Variants in RALYL observed in about 807,000 individuals in gnomAD.
The protein encoded by RALYL is RALY RNA binding protein like.
In RALYL, 29 loss-of-function variants were observed where a neutral mutation model predicts 35.1. That is an observed-to-expected ratio of 0.83 (90% CI 0.61 to 1.13). The LOEUF (loss-of-function observed/expected upper bound fraction) is 1.13, where lower values mean the gene tolerates loss of function less well. Among genes scored for constraint, RALYL ranks in the 50% most tolerant of loss-of-function variants. The pLI is 0.00. For synonymous variants in RALYL, 120 were observed against 127.6 expected, an observed-to-expected ratio of 0.94 and a Z score of 0.40; for missense variants, 359 against 360.4, an observed-to-expected ratio of 1.00 and a Z score of 0.03.
At chr8:84,796,292 C>G (rs1478182875) in intron 3 of RALYL, among the ~76,000 whole-genome samples, 1 of 152,166 alleles carries the variant, frequency 6.6e-6, no homozygotes, top group Non-Finnish European at 1.5e-5. Flanking sequence ...CCAGGCCAGC[C>G]AGCACAGAAG....
At chr8:84,338,799 A>G (rs539450804) in intron 1 of RALYL, among the ~76,000 whole-genome samples, 3 of 152,274 alleles carry the variant, frequency 2.0e-5, no homozygotes, top group East Asian at 3.9e-4. Context: ...AATTTAGAAT[A>G]CCACTAATAG....
chr8:84,842,152 C>A (rs1001109142), intron 4 of RALYL, among the ~76,000 whole-genome samples: 3 of 152,096 alleles, frequency 2.0e-5, no homozygotes, highest in African/African-American at 7.2e-5. Flanking sequence ...ACACAAAAAA[C>A]CCTTCAAAAA....
intron 1 of RALYL, among the ~76,000 whole-genome samples, chr8:84,193,907 A>C (rs1186083864): frequency 6.6e-6 from 1 of 152,206 alleles, no homozygotes; most frequent in African/African-American, 2.4e-5. Context: ...AGATATAAAT[A>C]AATCTGGGCT....
At chr8:84,478,877 G>A (rs1000368042) in intron 1 of RALYL, among the ~76,000 whole-genome samples, 1 of 143,024 alleles carries the variant, frequency 7.0e-6, no homozygotes, top group Non-Finnish European at 1.5e-5. Context: ...ACGAGGTCAG[G>A]AGATCGAGAC....
chr8:84,568,155 C>T (rs2061922246), intron 2 of RALYL, among the ~76,000 whole-genome samples: 1 of 145,742 alleles, frequency 6.9e-6, no homozygotes, highest in Non-Finnish European at 1.5e-5. Flanking sequence ...CCCATTAACT[C>T]GTCATTTACA....
chr8:84,630,641 G>A (rs1823717296), intron 2 of RALYL, among the ~76,000 whole-genome samples: 1 of 151,920 alleles, frequency 6.6e-6, no homozygotes, highest in Non-Finnish European at 1.5e-5. Context: ...GTTAAATGAA[G>A]TTGATTTGAG....
chr8:84,257,628 G>A (rs1001702691), intron 1 of RALYL, among the ~76,000 whole-genome samples: 1 of 152,078 alleles, frequency 6.6e-6, no homozygotes, highest in African/African-American at 2.4e-5. Flanking sequence ...ATTACATCAT[G>A]CCTGGTTTGT....
intron 1 of RALYL, among the ~76,000 whole-genome samples, chr8:84,389,616 G>T (rs909513084): frequency 1.3e-5 from 2 of 150,832 alleles, no homozygotes; most frequent in Admixed American, 1.3e-4. Context: ...TTGTGAATGG[G>T]AGTTCACTCA....
chr8:84,389,680 T>A (rs545084402), intron 1 of RALYL, among the ~76,000 whole-genome samples: 1 of 151,102 alleles, frequency 6.6e-6, no homozygotes, highest in Non-Finnish European at 1.5e-5. Flanking sequence ...TTGTGATTTT[T>A]GTACATTGAT....
chr8:84,311,483 G>A (rs1446965715), intron 1 of RALYL, among the ~76,000 whole-genome samples: 1 of 152,066 alleles, frequency 6.6e-6, no homozygotes. Flanking sequence ...TGGGAGAGAA[G>A]ACTCATTTTT....
chr8:84,549,839 A>AT (rs900691042), intron 2 of RALYL, among the ~76,000 whole-genome samples: 6 of 152,074 alleles, frequency 3.9e-5, no homozygotes, highest in African/African-American at 1.2e-4. Context: ...TCACACACAG[A>AT]TTTTTTTGAT....
At position 84,214,912 on chromosome 8, in the gene RALYL, T is replaced by A. The variant is rs924468074; in HGVS notation, c.-24+30488T>A. The stretch of plus-strand genomic sequence containing the variant: ...ATTTTTTTTTTAATTTTTATATATT[T>A]ATTTAATTTTTGAGACGGAGTCTCA... On this transcript the variant is annotated intron_variant, in intron 1 of 8. Transcript: ENST00000521268. Among the ~76,000 whole-genome samples the A allele has an allele frequency of 2.6e-5, 4 of 152,046 alleles. No homozygotes were observed. In the East Asian group the frequency reaches 5.8e-4, roughly 22 times the overall value.
At position 84,405,823 on chromosome 8, in the gene RALYL, C is replaced by CTTTT. The variant is rs776007226; in HGVS notation, c.-23-123459_-23-123456dup. ...GTTTAATAATCTAGATATTTTCATT[C>CTTTT]TTTTTTTTTTTTTTTTTTTTGAGAC... On this transcript the variant is annotated intron_variant, in intron 1 of 8. Coordinates refer to ENST00000521268, the MANE Select transcript of RALYL (RefSeq NM_173848.7). Among the ~76,000 whole-genome samples the CTTTT allele has an allele frequency of 8.3e-3, 979 of 118,068 alleles. 48 individuals carry two copies. The highest frequency in any genetic ancestry group is 0.026 in the African/African-American group (790 of 30,318). The allele number at this position is 118,068 out of a possible 152,430, so 77.5% of individuals were successfully genotyped here. A position where few individuals can be genotyped will look rare whatever the true frequency, so the allele number is the denominator to read the frequency against.
intron 1 of RALYL, among the ~76,000 whole-genome samples, chr8:84,186,596 G>A (rs1447556817): frequency 1.3e-5 from 2 of 152,130 alleles, no homozygotes; most frequent in Non-Finnish European, 1.5e-5. Flanking sequence ...TTAAGATTGG[G>A]CAAAGCACTA....
In RALYL at chr8:84,424,487, C is replaced by T. The variant is rs375021726; in HGVS notation, c.-23-104812C>T. On this transcript the variant is annotated intron_variant, in intron 1 of 8. Coordinates refer to ENST00000521268, the MANE Select transcript of RALYL (RefSeq NM_173848.7). Reference sequence around the variant, plus strand: ...TCAAAGTTTTCAACTTCTTTGCCTTCGGTTTGAATGTCCTTCCATAGCTCA... The same window carrying T: ...TCAAAGTTTTCAACTTCTTTGCCTTTGGTTTGAATGTCCTTCCATAGCTCA... Among the ~76,000 whole-genome samples, 510 of 143,958 alleles carry T rather than the reference C, an allele frequency of 3.5e-3. 5 individuals carry two copies. Among genetic ancestry groups the T allele is most frequent in the African/African-American group, 0.013 (460 of 34,988 alleles). 94.4% of individuals were successfully genotyped at this position (143,958 alleles called of 152,430 possible). A position where few individuals can be genotyped will look rare whatever the true frequency, so the allele number is the denominator to read the frequency against.
chr8:84,811,345 A>C (rs1263404756), intron 4 of RALYL, among the ~76,000 whole-genome samples: 1 of 152,160 alleles, frequency 6.6e-6, no homozygotes, highest in East Asian at 1.9e-4. Context: ...ATAGGACCCC[A>C]ATCCCTTCTA....
In RALYL at chr8:84,816,032, CAAAAAAAAA is replaced by C. The variant is rs5892931; in HGVS notation, c.365+11242_365+11250del. ...CTGGCAACAGAGAGAGACTCTGTCT[CAAAAAAAAA>C]AAAAAAAAAAAGAAAAAAAGAAAAG... On this transcript the variant is annotated intron_variant, in intron 4 of 8. Transcript: ENST00000521268. Among the ~76,000 whole-genome samples the C allele has an allele frequency of 1.1e-3, 93 of 84,196 alleles. No homozygotes were observed. The South Asian group carries it at 0.029, about 26-fold the overall frequency. The allele number at this position is 84,196 out of a possible 152,430, so 55.2% of individuals were successfully genotyped here. A position where few individuals can be genotyped will look rare whatever the true frequency, so the allele number is the denominator to read the frequency against.
chr8:84,242,046 C>G (rs991854579), intron 1 of RALYL, among the ~76,000 whole-genome samples: 3 of 152,082 alleles, frequency 2.0e-5, no homozygotes, highest in Admixed American at 6.6e-5. Flanking sequence ...TTGTTCCCCC[C>G]ATGTGTCCAT....
At chr8:84,900,621 G>A (rs1428146821) in intron 8 of RALYL, among the ~76,000 whole-genome samples, 1 of 152,044 alleles carries the variant, frequency 6.6e-6, no homozygotes, top group Non-Finnish European at 1.5e-5. Flanking sequence ...AGAGGTTGTG[G>A]TGAGCCAAGA....
Sources: allele counts gnomAD v4.1 joint callset (sites outside exome capture counted in the v4.1 genomes callset), GRCh38; gene constraint gnomAD v4.1.1; transcripts MANE v1.5; gene names NCBI Gene and HGNC (gene_info 2026-07-23, HGNC 2026-07-21).